JARID2: variants seen among roughly 807,000 people sequenced by gnomAD.
The protein encoded by JARID2 is jumonji and AT-rich interaction domain containing 2, also known as protein Jumonji.
JARID2 carries 21 observed loss-of-function variants against 125.6 expected under a neutral mutation model. The observed-to-expected ratio is 0.17, with a 90% CI of 0.12 to 0.24. The LOEUF is 0.24. JARID2 is among the 10% of genes least tolerant of loss of function. The probability of loss-of-function intolerance (pLI) is 1.00; values close to 1 mark genes in which losing one functional copy is unlikely to be tolerated. For missense variants in JARID2, 1,303 were observed against 1,639.6 expected, an observed-to-expected ratio of 0.79 and a Z score of 3.55; for synonymous variants, 736 against 661.6, an observed-to-expected ratio of 1.11 and a Z score of -1.73.
intron 16 of JARID2, among the ~76,000 whole-genome samples, chr6:15,516,925 C>T (rs1490737629): frequency 6.6e-6 from 1 of 152,188 alleles, no homozygotes; most frequent in Non-Finnish European, 1.5e-5. Flanking sequence ...CAGAGGTGGT[C>T]AGTTACTCAC....
chr6:15,481,716 C>T (rs1288091251), intron 5 of JARID2, among the ~76,000 whole-genome samples: 3 of 152,188 alleles, frequency 2.0e-5, no homozygotes, highest in Admixed American at 2.0e-4. Flanking sequence ...TCTAAAACAG[C>T]ATGATGGTTA....
intron 12 of JARID2, among the ~76,000 whole-genome samples, chr6:15,509,888 A>G (rs1365211741): frequency 6.6e-6 from 1 of 152,234 alleles, no homozygotes; most frequent in Non-Finnish European, 1.5e-5. Flanking sequence ...GGATAGGATC[A>G]GAGAACATGA....
rs186291240 is a variant in JARID2 at position 15,513,227 on chromosome 6, C to T, written c.3267-12C>T. The T allele has an allele frequency of 5.0e-5, 78 of 1,555,684 alleles. No individual in the cohort carries two copies. The East Asian group carries it at 1.3e-3, about 26-fold the overall frequency. ...GTCACTAAAGGTGCGGGCCGTCTCC[C>T]GTGTCTGGCAGGGATACAGAGCTGC... On this transcript the variant is annotated splice_polypyrimidine_tract_variant and intron_variant, in intron 15 of 17. Coordinates refer to ENST00000341776, the MANE Select transcript of JARID2 (RefSeq NM_004973.4).
At chr6:15,262,085 G>T (rs533378343) in intron 1 of JARID2, among the ~76,000 whole-genome samples, 2 of 151,864 alleles carry the variant, frequency 1.3e-5, no homozygotes, top group East Asian at 1.9e-4. Flanking sequence ...CGGCCCAGGG[G>T]ATGGTTTTGA....
intron 5 of JARID2, among the ~76,000 whole-genome samples, chr6:15,477,401 C>T (rs1769395747): frequency 6.6e-6 from 1 of 151,694 alleles, no homozygotes; most frequent in Admixed American, 6.6e-5. Flanking sequence ...CCCGAGAGAA[C>T]ATGTGATATT....
rs7776062 is a variant in JARID2, at chr6:15,363,307, G to A, written c.46-10810G>A. On this transcript the variant is annotated intron_variant, in intron 1 of 17. Coordinates refer to ENST00000341776, the MANE Select transcript of JARID2 (RefSeq NM_004973.4). ...TGTAATCCCTGAACCAGCAGCATTA[G>A]CATCACCTGAGAGAATCTCAGCGAA... Among the ~76,000 whole-genome samples the A allele has an allele frequency of 7.4e-3, 1,133 of 152,302 alleles. 15 individuals carry two copies. The highest frequency in any genetic ancestry group is 0.026 in the African/African-American group (1,076 of 41,554).
At chr6:15,500,056 G>A (rs1036134867) in intron 7 of JARID2, among the ~76,000 whole-genome samples, 1 of 152,174 alleles carries the variant, frequency 6.6e-6, no homozygotes, top group African/African-American at 2.4e-5. Flanking sequence ...GTATTTTGTT[G>A]ATGGTTATTT....
At chr6:15,329,394 C>T (rs559953953) in intron 1 of JARID2, among the ~76,000 whole-genome samples, 4 of 152,184 alleles carry the variant, frequency 2.6e-5, no homozygotes, top group African/African-American at 7.2e-5. Context: ...GAGTTGACAT[C>T]CTGCTGGGAT....
chr6:15,280,397 T>A (rs910055935), intron 1 of JARID2, among the ~76,000 whole-genome samples: 4 of 152,214 alleles, frequency 2.6e-5, no homozygotes, highest in African/African-American at 9.7e-5. Flanking sequence ...TTCCTGTAAT[T>A]TTCTTCCGTG....
intron 1 of JARID2, among the ~76,000 whole-genome samples, chr6:15,264,121 G>T (rs1759990383): frequency 6.6e-6 from 1 of 152,160 alleles, no homozygotes; most frequent in South Asian, 2.1e-4. Context: ...GTGGATGGTG[G>T]GGACTGCAAA....
chr6:15,451,307 G>C (rs1767911384), intron 3 of JARID2, among the ~76,000 whole-genome samples: 2 of 152,234 alleles, frequency 1.3e-5, no homozygotes, highest in Non-Finnish European at 2.9e-5. Context: ...TAATGGGAAA[G>C]AAGCCTGAAG....
chr6:15,354,599 C>T (rs1763535519), intron 1 of JARID2, among the ~76,000 whole-genome samples: 1 of 152,138 alleles, frequency 6.6e-6, no homozygotes, highest in Non-Finnish European at 1.5e-5. Context: ...CATTCAAGCA[C>T]AGATAAGGAA....
chr6:15,272,119 T>C (rs1249491684), intron 1 of JARID2, among the ~76,000 whole-genome samples: 1 of 152,200 alleles, frequency 6.6e-6, no homozygotes, highest in Non-Finnish European at 1.5e-5. Context: ...AGTTAGACTC[T>C]GTCTCAAAAA....
At chr6:15,357,958 T>A (rs749435819) in intron 1 of JARID2, among the ~76,000 whole-genome samples, 1 of 152,224 alleles carries the variant, frequency 6.6e-6, no homozygotes, top group Non-Finnish European at 1.5e-5. Flanking sequence ...TTGTTTATGA[T>A]GTTTTTGTGC....
At chr6:15,425,806 G>A (rs527825842) in intron 3 of JARID2, among the ~76,000 whole-genome samples, 1 of 152,356 alleles carries the variant, frequency 6.6e-6, no homozygotes. Flanking sequence ...AAAGAAAGAT[G>A]CGTGAAGTTT....
chr6:15,343,765 T>A (rs772350965), intron 1 of JARID2, among the ~76,000 whole-genome samples: 3 of 152,176 alleles, frequency 2.0e-5, no homozygotes, highest in African/African-American at 4.8e-5. Flanking sequence ...CTTGGCATAA[T>A]GATCACAAGA....
chr6:15,504,864 G>A (rs12214771), intron 9 of JARID2, among the ~76,000 whole-genome samples: 7,511 of 152,186 alleles, frequency 0.049, 249 homozygotes, highest in Non-Finnish European at 0.076. Flanking sequence ...CCTGCTCCCC[G>A]TCACTGTCTC....
intron 1 of JARID2, among the ~76,000 whole-genome samples, chr6:15,289,626 G>T (rs1761132037): frequency 6.6e-6 from 1 of 152,168 alleles, no homozygotes; most frequent in African/African-American, 2.4e-5. Flanking sequence ...GGAGGATGAG[G>T]TGGGTCACTT....
chr6:15,453,850 T>C (rs1023600225), intron 4 of JARID2, among the ~76,000 whole-genome samples: 1 of 152,110 alleles, frequency 6.6e-6, no homozygotes, highest in Admixed American at 6.5e-5. Context: ...CCGCCCTCAG[T>C]CCTGGAATTG....
Sources: gnomAD v4.1 joint callset for allele counts (sites outside exome capture counted in the v4.1 genomes callset) on GRCh38, gnomAD v4.1.1 for gene constraint, MANE v1.5 for transcripts, NCBI Gene and HGNC (gene_info 2026-07-23, HGNC 2026-07-21) for gene names.